Variants in HHAT observed in about 807,000 individuals in gnomAD.
HHAT encodes hedgehog acyltransferase.
HHAT carries 47 observed loss-of-function variants against 70.8 expected under a neutral mutation model. That is an observed-to-expected ratio of 0.66 (90% CI 0.53 to 0.85). The LOEUF is 0.85. Ranked by LOEUF, HHAT falls within the 40% of genes least tolerant of loss-of-function variation. The probability of loss-of-function intolerance (pLI) is 0.00; values close to 1 mark genes in which losing one functional copy is unlikely to be tolerated. For missense variants in HHAT, 609 were observed against 604.8 expected, an observed-to-expected ratio of 1.01 and a Z score of -0.07; for synonymous variants, 228 against 247.6, an observed-to-expected ratio of 0.92 and a Z score of 0.74.
intron 7 of HHAT, among the ~76,000 whole-genome samples, chr1:210,448,134 C>A (rs534036022): frequency 1.3e-5 from 2 of 148,556 alleles, no homozygotes; most frequent in Admixed American, 6.8e-5. Context: ...GCCTGTAATG[C>A]GGTAGCTCGA....
intron 9 of HHAT, among the ~76,000 whole-genome samples, chr1:210,550,020 A>G (rs973015639): frequency 3.4e-5 from 5 of 148,886 alleles, no homozygotes; most frequent in Non-Finnish European, 5.9e-5. Context: ...CTTATCCACT[A>G]TCCTCCCCAG....
chr1:210,619,749 G>A (rs1558289961), intron 10 of HHAT, among the ~76,000 whole-genome samples: 1 of 62,154 alleles, frequency 1.6e-5, no homozygotes, highest in Non-Finnish European at 3.6e-5. Flanking sequence ...CTGGGGGATA[G>A]TGCCACTCTC....
chr1:210,658,075 T>A (rs1405726623), intron 11 of HHAT, among the ~76,000 whole-genome samples: 1 of 152,206 alleles, frequency 6.6e-6, no homozygotes, highest in Non-Finnish European at 1.5e-5. Context: ...ATTGACCATT[T>A]TACCATGCAT....
intron 11 of HHAT, among the ~76,000 whole-genome samples, chr1:210,648,413 G>A (rs1235722660): frequency 2.0e-5 from 3 of 152,180 alleles, no homozygotes; most frequent in Non-Finnish European, 4.4e-5. Flanking sequence ...TTGAAGCCAT[G>A]CATTTATTGT....
At position 210,654,361 on chromosome 1, in the gene HHAT, A is replaced by G. The variant is rs536618369; in HGVS notation, c.1391-19927A>G. On this transcript the variant is annotated intron_variant, in intron 11 of 11. Transcript: ENST00000261458. ...CTCTCAGTGTTCTAGAACCCACACCATGAATGCCTGGGTCCCTCCCTCCAC... is the reference window on the plus strand; with the variant it reads ...CTCTCAGTGTTCTAGAACCCACACCGTGAATGCCTGGGTCCCTCCCTCCAC... 5.5e-4 allele frequency among the ~76,000 whole-genome samples: 83 copies of G among 152,264 alleles called. No homozygotes were observed. In the Middle Eastern group the frequency reaches 0.01, roughly 19 times the overall value.
chr1:210,352,292 G>T (rs571175835), intron 2 of HHAT, among the ~76,000 whole-genome samples: 2 of 152,112 alleles, frequency 1.3e-5, no homozygotes, highest in African/African-American at 4.8e-5. Context: ...CCATTCCCAA[G>T]AAATATCTTC....
At chr1:210,643,542 T>C (rs953931885) in intron 11 of HHAT, among the ~76,000 whole-genome samples, 4 of 152,224 alleles carry the variant, frequency 2.6e-5, no homozygotes, top group African/African-American at 9.6e-5. Flanking sequence ...GGTGAATCAT[T>C]CCTTCCTCTT....
chr1:210,386,343 A>G (rs530512228), intron 3 of HHAT, among the ~76,000 whole-genome samples: 1 of 137,566 alleles, frequency 7.3e-6, no homozygotes, highest in Non-Finnish European at 1.5e-5. Context: ...GGTTCACGCC[A>G]TTCTCCTGCC....
At chr1:210,638,236 A>G (rs922756065) in intron 11 of HHAT, among the ~76,000 whole-genome samples, 1 of 152,244 alleles carries the variant, frequency 6.6e-6, no homozygotes, top group Non-Finnish European at 1.5e-5. Context: ...CAACACTTGT[A>G]TGTGAATTTT....
chr1:210,387,712 ACAAT>A lies in HHAT; in HGVS notation c.273+136_273+139del, dbSNP rs2091189212. On this transcript the variant is annotated intron_variant, in intron 4 of 11. Transcript: ENST00000261458. ...CCTGGAAAAAATGATAAAGTTGTTA[ACAAT>A]CAATATAACATTTAAGATAAAAGTT... The A allele has an allele frequency of 6.1e-6, 4 of 651,050 alleles. No individual in the cohort carries two copies. The South Asian group carries it at 7.5e-5, about 12-fold the overall frequency. The allele number at this position is 651,050 out of a possible 1,614,324, so 40.3% of individuals were successfully genotyped here.
intron 9 of HHAT, among the ~76,000 whole-genome samples, chr1:210,523,786 A>G (rs949400296): frequency 3.3e-5 from 5 of 151,620 alleles, no homozygotes; most frequent in African/African-American, 1.2e-4. Context: ...TAACCGTCTA[A>G]TTTTCTTTTC....
At chr1:210,388,229 G>C (rs2091222905) in intron 4 of HHAT, among the ~76,000 whole-genome samples, 1 of 152,164 alleles carries the variant, frequency 6.6e-6, no homozygotes, top group Non-Finnish European at 1.5e-5. Flanking sequence ...TCCTGATGGA[G>C]GAAAAAGTCT....
At chr1:210,329,219 TCCCGTGTGCGCGCCCGAGG>T in intron 1 of HHAT, 115 bp downstream of exon 1, 1 of 1,192,194 alleles carries the variant, frequency 8.4e-7, no homozygotes, top group Non-Finnish European at 1.0e-6. Context: ...CTACCCAAGT[TCCCGTGTGCGCGCCCGAGG>T]GCGGGACAGA....
At chr1:210,472,004 TAAG>T (rs541229566) in intron 8 of HHAT, among the ~76,000 whole-genome samples, 276 of 152,318 alleles carry the variant, frequency 1.8e-3, no homozygotes, top group Non-Finnish European at 3.2e-3. Context: ...GGACAAATAT[TAAG>T]AACAAGTCTA....
Position 210,648,569 on chromosome 1 carries a change from C to T in HHAT, c.1390+24899C>T, listed in dbSNP as rs561212195. On this transcript the variant is annotated intron_variant, in intron 11 of 11. Coordinates refer to ENST00000261458, the MANE Select transcript of HHAT (RefSeq NM_018194.6). ...ATTGGTGGAGGTCTTAAATTTTTTC[C>T]TCCGTATCCAATCTGCTTATTCAGT... 3.3e-5 allele frequency among the ~76,000 whole-genome samples: 5 copies of T among 152,260 alleles called. No individual in the cohort carries two copies. The South Asian group carries it at 8.3e-4, about 25-fold the overall frequency.
chr1:210,582,556 T>C (rs948309446), intron 9 of HHAT, among the ~76,000 whole-genome samples: 2 of 152,216 alleles, frequency 1.3e-5, no homozygotes, highest in Non-Finnish European at 2.9e-5. Context: ...ATTTTAAGAT[T>C]AATGCGTTTA....
chr1:210,483,067 G>A (rs2094421907), intron 8 of HHAT, among the ~76,000 whole-genome samples: 4 of 152,168 alleles, frequency 2.6e-5, no homozygotes, highest in African/African-American at 9.7e-5. Context: ...CACACTGTCT[G>A]ACATGAATGC....
At chr1:210,390,791 G>GC (rs750700701) in intron 4 of HHAT, among the ~76,000 whole-genome samples, 85 of 152,084 alleles carry the variant, frequency 5.6e-4, no homozygotes, top group Non-Finnish European at 9.3e-4. Context: ...TAGAACAATG[G>GC]CCTCCAGCTC....
At chr1:210,599,673 TC>T (rs1306923886) in intron 10 of HHAT, among the ~76,000 whole-genome samples, 1 of 152,194 alleles carries the variant, frequency 6.6e-6, no homozygotes, top group East Asian at 1.9e-4. Flanking sequence ...CAAGCTGCTC[TC>T]ATTTCTTTCC....
Sources: allele counts gnomAD v4.1 joint callset (sites outside exome capture counted in the v4.1 genomes callset), GRCh38; gene constraint gnomAD v4.1.1; transcripts MANE v1.5; gene names NCBI Gene and HGNC (gene_info 2026-07-23, HGNC 2026-07-21).